Variants in ZNF827 observed in about 807,000 individuals in gnomAD.
The protein encoded by ZNF827 is zinc finger protein 827.
A neutral mutation model predicts 102.4 loss-of-function variants in ZNF827; 13 were observed. The ratio of observed to expected loss-of-function variants is 0.13; its 90% CI spans 0.08 to 0.20. The LOEUF (loss-of-function observed/expected upper bound fraction) is 0.20, where lower values mean the gene tolerates loss of function less well. Ranked by LOEUF, ZNF827 falls within the 10% of genes least tolerant of loss-of-function variation. ZNF827 has a pLI of 1.00. For missense variants in ZNF827, 1,103 were observed against 1,344.4 expected (o/e 0.82, Z 2.81); for synonymous variants, 523 against 536.2 (o/e 0.98, Z 0.34).
intron 1 of ZNF827, among the ~76,000 whole-genome samples, chr4:145,926,064 T>G (rs781396309): frequency 6.6e-6 from 1 of 152,238 alleles, no homozygotes; most frequent in Non-Finnish European, 1.5e-5. Context: ...TGTTTCCATC[T>G]CTTTCTCTGC....
chr4:145,768,474 A>G (rs1053234520), intron 11 of ZNF827, among the ~76,000 whole-genome samples: 31 of 152,114 alleles, frequency 2.0e-4, no homozygotes, highest in African/African-American at 4.1e-4. Context: ...CTAAAGATGT[A>G]CATTATAAAC....
chr4:145,936,179 C>G (rs532723810), intron 1 of ZNF827, among the ~76,000 whole-genome samples: 1 of 152,074 alleles, frequency 6.6e-6, no homozygotes, highest in Non-Finnish European at 1.5e-5. Context: ...TCCCTCCCCC[C>G]ACACGCCCCC....
intron 1 of ZNF827, among the ~76,000 whole-genome samples, chr4:145,930,679 T>C (rs1753734125): frequency 6.6e-6 from 1 of 152,152 alleles, no homozygotes; most frequent in African/African-American, 2.4e-5. Flanking sequence ...TCGGAAACAA[T>C]ATCCTTTTTA....
chr4:145,913,976 CA>C (rs1443896245), intron 1 of ZNF827, among the ~76,000 whole-genome samples: 1 of 152,044 alleles, frequency 6.6e-6, no homozygotes, highest in Non-Finnish European at 1.5e-5. Context: ...ATGCATTCTA[CA>C]GTCTAAGAAA....
intron 4 of ZNF827, among the ~76,000 whole-genome samples, chr4:145,873,383 T>G (rs565412458): frequency 6.6e-6 from 1 of 152,320 alleles, no homozygotes; most frequent in South Asian, 2.1e-4. Context: ...TATCTGAAGT[T>G]AACAAGAACT....
At position 145,894,121 on chromosome 4, in the gene ZNF827, C is replaced by T. The variant is rs556734820; in HGVS notation, c.1094-1706G>A. ...GGAATTGTGGTTATTTTTTTAAGTC[C>T]TTATCTGGTGAAGATATATACATGG... is the stretch of plus-strand genomic sequence containing the variant. On this transcript the variant is annotated intron_variant, in intron 2 of 14. Coordinates refer to ENST00000508784, the MANE Select transcript of ZNF827 (RefSeq NM_001306215.2). Among the ~76,000 whole-genome samples the T allele has an allele frequency of 1.2e-4, 19 of 152,014 alleles. 1 individual carries two copies. In the South Asian group the frequency reaches 3.7e-3, roughly 30 times the overall value.
chr4:145,881,148 T>A (rs1284198318), intron 4 of ZNF827, among the ~76,000 whole-genome samples: 1 of 152,252 alleles, frequency 6.6e-6, no homozygotes, highest in Non-Finnish European at 1.5e-5. Context: ...AACTACAGTA[T>A]ATGACACAAA....
chr4:145,906,253 C>T (rs1012047549), intron 1 of ZNF827, among the ~76,000 whole-genome samples: 1 of 152,212 alleles, frequency 6.6e-6, no homozygotes, highest in Non-Finnish European at 1.5e-5. Flanking sequence ...TGAGCAGCTG[C>T]TCACCCGCTT....
rs764631786 is a variant in ZNF827 at position 145,938,337 on chromosome 4, G to A, written c.43+28C>T. 3.1e-6 allele frequency: 5 copies of A among 1,613,750 alleles called. No individual in the cohort carries two copies. In the East Asian group the frequency reaches 6.7e-5, roughly 22 times the overall value. ...GAGAGGGAGGGCGAGAAAATGGCACGAGAGGAGGTGGAGAAGGGATGACTT... is the reference window on the plus strand; with the variant it reads ...GAGAGGGAGGGCGAGAAAATGGCACAAGAGGAGGTGGAGAAGGGATGACTT... On this transcript the variant is annotated intron_variant, in intron 1 of 14. Coordinates refer to ENST00000508784, the MANE Select transcript of ZNF827 (RefSeq NM_001306215.2).
chr4:145,785,721 T>C (rs1738759614), intron 8 of ZNF827, among the ~76,000 whole-genome samples: 1 of 152,196 alleles, frequency 6.6e-6, no homozygotes. Context: ...GGCTAGTGAC[T>C]CTGGGAGAGC....
At chr4:145,921,136 G>C (rs1034926587) in intron 1 of ZNF827, among the ~76,000 whole-genome samples, 1 of 152,146 alleles carries the variant, frequency 6.6e-6, no homozygotes, top group East Asian at 1.9e-4. Flanking sequence ...AGGTTATCAG[G>C]CACATAAATG....
chr4:145,872,280 T>C (rs1748758857), intron 4 of ZNF827, among the ~76,000 whole-genome samples: 1 of 152,072 alleles, frequency 6.6e-6, no homozygotes, highest in African/African-American at 2.4e-5. Context: ...GGAGCCCTAA[T>C]GCATTGTGAC....
chr4:145,859,457 C>T (rs1366569277), intron 5 of ZNF827, among the ~76,000 whole-genome samples: 1 of 152,034 alleles, frequency 6.6e-6, no homozygotes, highest in Non-Finnish European at 1.5e-5. Context: ...GGGTACGGTC[C>T]CTAGTCCCAT....
At chr4:145,896,380 T>C (rs1009228211) in intron 2 of ZNF827, among the ~76,000 whole-genome samples, 2 of 152,068 alleles carry the variant, frequency 1.3e-5, no homozygotes, top group African/African-American at 4.8e-5. Context: ...GACAAAATAC[T>C]GATGGACAAT....
At chr4:145,897,333 T>C (rs1232625123) in intron 2 of ZNF827, among the ~76,000 whole-genome samples, 1 of 152,226 alleles carries the variant, frequency 6.6e-6, no homozygotes, top group African/African-American at 2.4e-5. Context: ...GAAATCAAAC[T>C]TCCTGTTGTT....
chr4:145,773,200 T>G (rs1406069907), intron 11 of ZNF827, among the ~76,000 whole-genome samples: 1 of 152,220 alleles, frequency 6.6e-6, no homozygotes, highest in South Asian at 2.1e-4. Context: ...GAATTTAATT[T>G]GTCTTCAACA....
intron 7 of ZNF827, chr4:145,832,822 T>C (rs60275471): frequency 0.3 from 45,321 of 152,274 alleles, 7,047 homozygotes; most frequent in African/African-American, 0.37. Flanking sequence ...CACTCCTGCC[T>C]GCCAGAGAAC....
Position 145,779,495 on chromosome 4 carries a change from G to A in ZNF827, c.2400C>T (p.Val800=). The part of the protein sequence containing the change: ...RISAPETEKI[V]LEAGNGLPSW... The stretch of plus-strand genomic sequence containing the variant: ...ATGGTAATCCATTTCCTGCCTCTAG[G>A]ACTATCTTTTCTGTTTCTGGGTCAA... The change falls in exon 9 of 15, where the codon GTC becomes GTT. Residue 800 remains valine, a synonymous_variant. Transcript: ENST00000508784. The A allele has an allele frequency of 6.2e-7, 1 of 1,613,880 alleles. No individual in the cohort carries two copies. Among genetic ancestry groups the A allele is most frequent in the South Asian group, 1.1e-5 (1 of 90,978 alleles).
At chr4:145,849,654 T>C in intron 5 of ZNF827, 93 bp from the exon 6 acceptor site, 3 of 1,567,518 alleles carry the variant, frequency 1.9e-6, no homozygotes, top group Non-Finnish European at 2.6e-6. Flanking sequence ...ACCATAAAGA[T>C]TGTGGCAGGG....
Sources: allele counts gnomAD v4.1 joint callset (sites outside exome capture counted in the v4.1 genomes callset), GRCh38; gene constraint gnomAD v4.1.1; transcripts MANE v1.5; gene names NCBI Gene and HGNC (gene_info 2026-07-23, HGNC 2026-07-21).